The following KATNIP variants were observed in gnomAD, a reference collection of about 807,000 sequenced individuals.
KATNIP encodes katanin-interacting protein.
Under a neutral mutation model 174.0 loss-of-function variants are expected in KATNIP, and 126 were observed. The ratio of observed to expected loss-of-function variants is 0.72; its 90% CI spans 0.63 to 0.84. KATNIP has a LOEUF of 0.84. KATNIP is among the 40% of genes least tolerant of loss of function. The pLI, the probability that KATNIP is intolerant of heterozygous loss-of-function variation, is 0.00. For synonymous variants in KATNIP, 810 were observed against 835.7 expected (o/e 0.97, Z 0.53); for missense variants, 1,958 against 2,109.7 (o/e 0.93, Z 1.41).
intron 5 of KATNIP, among the ~76,000 whole-genome samples, chr16:27,634,759 C>T (rs1037875472): frequency 1.3e-5 from 2 of 152,212 alleles, no homozygotes; most frequent in Non-Finnish European, 2.9e-5. Context: ...ATTGGCTGAA[C>T]CTAAATCACA....
chr16:27,744,357 C>T (rs749507198), intron 15 of KATNIP, among the ~76,000 whole-genome samples: 1 of 152,032 alleles, frequency 6.6e-6, no homozygotes, highest in Admixed American at 6.6e-5. Context: ...AAGACTCCAT[C>T]TCTACAAAAG....
chr16:27,620,954 C>CA (rs2076176898), intron 3 of KATNIP, among the ~76,000 whole-genome samples: 2 of 152,110 alleles, frequency 1.3e-5, no homozygotes, highest in Admixed American at 1.3e-4. Flanking sequence ...GACAGAAACT[C>CA]AAAGTAAATG....
At chr16:27,727,292 G>A (rs1024584049) in intron 14 of KATNIP, 9 of 173,092 alleles carry the variant, frequency 5.2e-5, no homozygotes, top group African/African-American at 1.4e-4. Context: ...GGGCTCAAGC[G>A]TTCCTCCCAC....
Position 27,740,065 on chromosome 16 carries a change from G to T in KATNIP, c.1768G>T (p.Val590Leu). The T allele has an allele frequency of 2.5e-6, 4 of 1,613,042 alleles. No homozygotes were observed. The highest frequency in any genetic ancestry group is 3.4e-6 in the Non-Finnish European group (4 of 1,179,252). The change falls in exon 15 of 28, where the codon GTG becomes TTG. Residue 590 changes from valine to leucine, a missense_variant. Val to Leu is a conservative substitution (Grantham distance 32). This residue lies in a region of KATNIP where 1,557 missense variants were observed against 1,617.8 expected (regional missense o/e 0.96). Transcript: ENST00000261588. ...DGDLDIGAKNVKLYVNRNLIF... is the reference protein window; with the variant it reads ...DGDLDIGAKNLKLYVNRNLIF... ...GGATCTTGACATTGGTGCCAAGAAC[G>T]TGAAGCTTTACGTCAACAGAAACCT...
chr16:27,624,136 C>G (rs2076268311), intron 3 of KATNIP, among the ~76,000 whole-genome samples: 1 of 152,058 alleles, frequency 6.6e-6, no homozygotes, highest in Non-Finnish European at 1.5e-5. Context: ...CTGCCTGGAT[C>G]TTCTCCTGGG....
At chr16:27,668,754 C>T (rs556900842) in intron 6 of KATNIP, among the ~76,000 whole-genome samples, 67 of 152,206 alleles carry the variant, frequency 4.4e-4, no homozygotes, top group Admixed American at 9.8e-4. Context: ...GCCTACAATC[C>T]CAGCACTTTG....
At chr16:27,639,468 C>T (rs1201598192) in intron 5 of KATNIP, among the ~76,000 whole-genome samples, 7 of 152,204 alleles carry the variant, frequency 4.6e-5, no homozygotes, top group Admixed American at 3.3e-4. Flanking sequence ...ACAGAGCCGT[C>T]GTTTACCAAA....
At chr16:27,596,063 G>A (rs1396511204) in intron 2 of KATNIP, among the ~76,000 whole-genome samples, 2 of 151,418 alleles carry the variant, frequency 1.3e-5, no homozygotes, top group Admixed American at 1.3e-4. Context: ...GGGGCAGTGG[G>A]AGCCAGGGGA....
rs990804426 is a variant in KATNIP at position 27,776,772 on chromosome 16, G to C, written c.4450-156G>C. ...CGTGACCTGACTCAAGATGGGCTTC[G>C]AGGAGATGAAAGGGGGCGGAACTCC... is the stretch of plus-strand genomic sequence containing the variant. On this transcript the variant is annotated intron_variant, in intron 24 of 27. Coordinates refer to ENST00000261588, the MANE Select transcript of KATNIP (RefSeq NM_015202.5). The surrounding 1 kb of genome is among the most constrained non-coding windows in gnomAD (Gnocchi z 4.7). The C allele has an allele frequency of 7.9e-5, 50 of 636,710 alleles. No homozygotes were observed. The highest frequency in any genetic ancestry group is 1.3e-4 in the Non-Finnish European group (46 of 352,468). The allele number at this position is 636,710 out of a possible 1,614,324, so 39.4% of individuals were successfully genotyped here.
At chr16:27,626,029 T>G (rs537882749) in intron 3 of KATNIP, among the ~76,000 whole-genome samples, 71 of 152,136 alleles carry the variant, frequency 4.7e-4, no homozygotes, top group Middle Eastern at 3.4e-3. Context: ...TTTATATTTT[T>G]TATAGAGACG....
chr16:27,591,894 T>C (rs1329047148), intron 2 of KATNIP, among the ~76,000 whole-genome samples: 1 of 152,158 alleles, frequency 6.6e-6, no homozygotes. Flanking sequence ...TAGAGGACCT[T>C]TACCTTGGCC....
At chr16:27,665,325 G>A (rs754531462) in intron 6 of KATNIP, among the ~76,000 whole-genome samples, 13 of 151,702 alleles carry the variant, frequency 8.6e-5, no homozygotes, top group Non-Finnish European at 1.6e-4. Context: ...TGCTAGTCTC[G>A]AACTCCTGAC....
chr16:27,708,289 T>C (rs1597238282), intron 12 of KATNIP: 4 of 157,296 alleles, frequency 2.5e-5, no homozygotes, highest in South Asian at 1.9e-4. Flanking sequence ...TCTCAAAGTG[T>C]TGGGATTACA....
chr16:27,690,363 T>TAGATAGATAGATAGATGATA (rs397837255), intron 8 of KATNIP, among the ~76,000 whole-genome samples: 3,220 of 90,568 alleles, frequency 0.036, 64 homozygotes, highest in Admixed American at 0.047. Flanking sequence ...GATAGATAGA[T>TAGATAGATAGATAGATGATA]GATAGATAGA....
chr16:27,588,330 G>C (rs2141841140), intron 2 of KATNIP, among the ~76,000 whole-genome samples: 1 of 152,122 alleles, frequency 6.6e-6, no homozygotes, highest in East Asian at 1.9e-4. Context: ...AAGCTTAAGT[G>C]TATAGTTTTA....
At chr16:27,601,289 A>G (rs2075516267) in intron 2 of KATNIP, among the ~76,000 whole-genome samples, 1 of 152,146 alleles carries the variant, frequency 6.6e-6, no homozygotes, top group East Asian at 1.9e-4. Context: ...GGCCATGTGT[A>G]AATGAACAGA....
Position 27,675,921 on chromosome 16 carries a change from T to A in KATNIP, c.541-1808T>A, listed in dbSNP as rs552459989. On this transcript the variant is annotated intron_variant, in intron 6 of 27. Transcript: ENST00000261588. ...TCTAATCTCCTGAAAGAGCCCTCCATACAAATGAATACTTTGCATTTTGCA... is the reference window on the plus strand; with the variant it reads ...TCTAATCTCCTGAAAGAGCCCTCCAAACAAATGAATACTTTGCATTTTGCA... Among the ~76,000 whole-genome samples the A allele has an allele frequency of 3.3e-5, 5 of 152,298 alleles. No homozygotes were observed. In the East Asian group the frequency reaches 7.7e-4, roughly 23 times the overall value.
chr16:27,593,071 A>C (rs138206254), intron 2 of KATNIP, among the ~76,000 whole-genome samples: 1 of 152,244 alleles, frequency 6.6e-6, no homozygotes, highest in East Asian at 1.9e-4. Flanking sequence ...GCTCTTATCT[A>C]TCTACCTCTC....
chr16:27,754,625 G>T (rs1567404473), intron 18 of KATNIP: 1 of 183,164 alleles, frequency 5.5e-6, no homozygotes, highest in Non-Finnish European at 1.1e-5. Flanking sequence ...TTGGTGCAGT[G>T]CCCCGAGCTG....
Sources: allele counts gnomAD v4.1 joint callset (sites outside exome capture counted in the v4.1 genomes callset), GRCh38; gene constraint gnomAD v4.1.1; regional missense constraint gnomAD v4.1.1; non-coding constraint Gnocchi (gnomAD v3.1); transcripts MANE v1.5; gene names NCBI Gene and HGNC (gene_info 2026-07-23, HGNC 2026-07-21).